The following GEMIN5 variants were observed in gnomAD, a reference collection of about 807,000 sequenced individuals.
GEMIN5 encodes gem nuclear organelle associated protein 5.
In GEMIN5, 124 loss-of-function variants were observed where a neutral mutation model predicts 176.9. That is an observed-to-expected ratio of 0.70 (90% CI 0.61 to 0.81). GEMIN5 has a LOEUF of 0.81. GEMIN5 is among the 40% of genes least tolerant of loss of function. GEMIN5 has a pLI of 0.00. For missense variants in GEMIN5, 1,843 were observed against 1,814.6 expected (o/e 1.02, Z -0.28); for synonymous variants, 673 against 665.2 (o/e 1.01, Z -0.18).
intron 8 of GEMIN5, 137 bp from the exon 9 acceptor site, chr5:154,924,691 G>A (rs531825908): frequency 1.6e-6 from 1 of 639,426 alleles, no homozygotes; most frequent in East Asian, 2.8e-5. Flanking sequence ...GAGAAAAAGG[G>A]TATTAAAAAC....
At chr5:154,917,852 T>C in intron 12 of GEMIN5, 79 bp downstream of exon 12, 3 of 932,472 alleles carry the variant, frequency 3.2e-6, no homozygotes, top group Non-Finnish European at 5.3e-6. Context: ...CCAGCTAACA[T>C]TACAGATGGC....
intron 12 of GEMIN5, 39 bp downstream of exon 12, chr5:154,917,892 C>G (rs146685959): frequency 1.5e-6 from 2 of 1,294,090 alleles, no homozygotes; most frequent in Non-Finnish European, 2.3e-6. Context: ...AATATATGTG[C>G]GATTGCAAAT....
chr5:154,893,721 T>C (rs1389853103), intron 24 of GEMIN5, among the ~76,000 whole-genome samples: 1 of 152,174 alleles, frequency 6.6e-6, no homozygotes, highest in Non-Finnish European at 1.5e-5. Flanking sequence ...TTAAAGCTTT[T>C]GAGATTCACC....
chr5:154,934,640 C>T (rs1026656839), intron 3 of GEMIN5, among the ~76,000 whole-genome samples: 3 of 152,096 alleles, frequency 2.0e-5, no homozygotes, highest in East Asian at 1.9e-4. Context: ...AATACCCGTA[C>T]GCCCCGTCTC....
Position 154,891,597 on chromosome 5 carries a change from C to T in GEMIN5, c.3906G>A (p.Trp1302Ter), listed in dbSNP as rs1763228170. 6.2e-7 allele frequency: 1 copy of T among 1,614,040 alleles called. No homozygotes were observed. Among genetic ancestry groups the T allele is most frequent in the South Asian group, 1.1e-5 (1 of 91,090 alleles). The change falls in exon 26 of 28, where the codon TGG becomes TGA. Residue 1302 changes from tryptophan (W) to a stop codon, truncating the protein, a stop_gained. Transcript: ENST00000285873. LOFTEE classifies it high-confidence loss of function. ...LSRPCPNSSV[W>*]VRAGHRTLSV... ...AGAGTGTTCTGTGACCAGCCCTTACCCAGACACTGGAATTTGGGCAAGGTC... is the reference window on the plus strand; with the variant it reads ...AGAGTGTTCTGTGACCAGCCCTTACTCAGACACTGGAATTTGGGCAAGGTC...
intron 23 of GEMIN5, among the ~76,000 whole-genome samples, chr5:154,897,071 T>C (rs1055215096): frequency 1.3e-5 from 2 of 152,226 alleles, no homozygotes; most frequent in African/African-American, 4.8e-5. Flanking sequence ...TGCTAAACAG[T>C]CATTCTGGAA....
intron 13 of GEMIN5, among the ~76,000 whole-genome samples, chr5:154,915,262 T>C (rs141416457): frequency 2.0e-4 from 30 of 152,350 alleles, no homozygotes; most frequent in African/African-American, 6.5e-4. Context: ...ATAGGATTCT[T>C]AGAAAACTAC....
At chr5:154,926,442 A>G (rs1764038846) in intron 7 of GEMIN5, among the ~76,000 whole-genome samples, 1 of 152,108 alleles carries the variant, frequency 6.6e-6, no homozygotes, top group African/African-American at 2.4e-5. Context: ...AAATCAAAGA[A>G]CTGCTCTCTC....
intron 25 of GEMIN5, 134 bp from the exon 26 acceptor site, chr5:154,891,876 G>T: frequency 1.2e-6 from 1 of 836,894 alleles, no homozygotes; most frequent in East Asian, 2.5e-5. Context: ...GTGATCCACC[G>T]GGCCACATGC....
rs889443224 is a variant in GEMIN5, at chr5:154,938,173, G to C, written c.-40C>G. 2.3e-6 allele frequency: 3 copies of C among 1,331,814 alleles called. No homozygotes were observed. The highest frequency in any genetic ancestry group is 7.5e-5 in the Admixed American group (2 of 26,668). The allele number at this position is 1,331,814 out of a possible 1,614,324, so 82.5% of individuals were successfully genotyped here. On this transcript the variant is annotated 5_prime_UTR_variant, in exon 1 of 28. Coordinates refer to ENST00000285873, the MANE Select transcript of GEMIN5 (RefSeq NM_015465.5). ...AGAGACAAGAGAAGCTGCCACAGCC[G>C]ACCGCTCGTAGCCTCACGCCTTAGG... is the stretch of plus-strand genomic sequence containing the variant.
intron 26 of GEMIN5, among the ~76,000 whole-genome samples, chr5:154,889,995 C>A (rs1456882227): frequency 6.6e-6 from 1 of 152,256 alleles, no homozygotes; most frequent in Non-Finnish European, 1.5e-5. Context: ...TGTGGAAGTG[C>A]TGGATCCTAT....
In GEMIN5 at chr5:154,907,660, C is replaced by T. The variant is rs1763596743; in HGVS notation, c.2326G>A (p.Gly776Ser). The T allele has an allele frequency of 6.2e-7, 1 of 1,614,008 alleles. No individual in the cohort carries two copies. Among genetic ancestry groups the T allele is most frequent in the Non-Finnish European group, 8.5e-7 (1 of 1,180,018 alleles). ...TCCTCCCCTTCTTGGTCTGACACAC[C>T]ATTCTCAACAGGTCCTGAGTTCTCC... is the stretch of plus-strand genomic sequence containing the variant. ...MKENSGPVEN[G>S]VSDQEGEEQA... Residue 776 changes from glycine to serine, a missense_variant, in exon 16 of 28, where the codon GGT (glycine) becomes AGT (serine). Transcript: ENST00000285873.
rs1420810845 is a variant in GEMIN5, at chr5:154,921,479, T to A, written c.1380-54A>T. The A allele has an allele frequency of 1.3e-4, 100 of 782,774 alleles. 1 individual carries two copies. The highest frequency in any genetic ancestry group is 7.1e-4 in the South Asian group (45 of 63,784). 48.5% of individuals were successfully genotyped at this position (782,774 alleles called of 1,614,324 possible). ...TGGAGATTTAAACAAAAAGGCATAATGAAAAACAGACCATCTTTTTCTAAA... is the reference window on the plus strand; with the variant it reads ...TGGAGATTTAAACAAAAAGGCATAAAGAAAAACAGACCATCTTTTTCTAAA... On this transcript the variant is annotated intron_variant, in intron 9 of 27. Coordinates refer to ENST00000285873, the MANE Select transcript of GEMIN5 (RefSeq NM_015465.5).
chr5:154,911,927 A>G, intron 14 of GEMIN5, 29 bp from the exon 15 acceptor site: 1 of 1,597,992 alleles, frequency 6.3e-7, no homozygotes, highest in Non-Finnish European at 8.5e-7. Context: ...GGCCGAAAAG[A>G]CATTTTCTGG....
intron 26 of GEMIN5, 25 bp downstream of exon 26, chr5:154,891,216 G>T: frequency 3.1e-6 from 5 of 1,597,174 alleles, no homozygotes; most frequent in Non-Finnish European, 4.3e-6. Flanking sequence ...TTTTCATTCC[G>T]TCTTGTACTT....
At chr5:154,901,795 T>TTCC (rs10629944) in intron 20 of GEMIN5, among the ~76,000 whole-genome samples, 4 of 149,472 alleles carry the variant, frequency 2.7e-5, no homozygotes, top group Non-Finnish European at 5.9e-5. Context: ...TTTTTTTTTT[T>TTCC]CCCTTTCCTT....
At chr5:154,913,673 C>T (rs560132212) in intron 13 of GEMIN5, among the ~76,000 whole-genome samples, 3 of 152,064 alleles carry the variant, frequency 2.0e-5, no homozygotes, top group Admixed American at 6.6e-5. Context: ...AAAAATTAAC[C>T]GGGTGTGTTG....
At chr5:154,892,334 G>T in intron 25 of GEMIN5, 53 bp downstream of exon 25, 1 of 1,426,612 alleles carries the variant, frequency 7.0e-7, no homozygotes, top group Non-Finnish European at 9.8e-7. Context: ...ACCACTAATG[G>T]TGGTGATGTT....
Position 154,892,493 on chromosome 5 carries a change from G to A in GEMIN5, c.3654C>T (p.Ala1218=), listed in dbSNP as rs764291954. 6.2e-7 allele frequency: 1 copy of A among 1,614,220 alleles called. No homozygotes were observed. ...GCGCCTGCACAGCCTCGTCCCAGGA[G>A]GCCATCTGTTGGCTCAGCACTGCCA... ...LTLAVLSQQM[A]SWDEAVQALL... Residue 1218 remains alanine (A), a synonymous_variant, in exon 25 of 28, where the codon GCC becomes GCT. Coordinates refer to ENST00000285873, the MANE Select transcript of GEMIN5 (RefSeq NM_015465.5).
Sources: gnomAD v4.1 joint callset for allele counts (sites outside exome capture counted in the v4.1 genomes callset) on GRCh38, gnomAD v4.1.1 for gene constraint, MANE v1.5 for transcripts, NCBI Gene and HGNC (gene_info 2026-07-23, HGNC 2026-07-21) for gene names.